The following QSOX2 variants were observed in gnomAD, a reference collection of about 807,000 sequenced individuals.
The protein encoded by QSOX2 is quiescin sulfhydryl oxidase 2, also known as sulfhydryl oxidase 2.
QSOX2 carries 46 observed loss-of-function variants against 61.7 expected under a neutral mutation model. The ratio of observed to expected loss-of-function variants is 0.75; its 90% CI spans 0.59 to 0.95. QSOX2 has a LOEUF of 0.95. Among genes scored for constraint, QSOX2 ranks in the 40% least tolerant of loss-of-function variants. QSOX2 has a pLI of 0.00. For missense variants in QSOX2, 879 were observed against 918.9 expected (o/e 0.96, Z 0.56); for synonymous variants, 383 against 388.4 (o/e 0.99, Z 0.16).
chr9:136,216,576 G>A, intron 9 of QSOX2, 24 bp downstream of exon 9: 3 of 1,611,924 alleles, frequency 1.9e-6, no homozygotes, highest in Non-Finnish European at 2.5e-6. Flanking sequence ...GTGCAGCGTG[G>A]CTGGCGAGGG....
intron 1 of QSOX2, among the ~76,000 whole-genome samples, chr9:136,230,749 C>T (rs959563105): frequency 6.6e-5 from 10 of 152,172 alleles, no homozygotes; most frequent in African/African-American, 2.2e-4. Flanking sequence ...CATTCTGAAC[C>T]GAGCTGGAAG....
chr9:136,210,069 A>T, intron 11 of QSOX2: 1 of 985,398 alleles, frequency 1.0e-6, no homozygotes, highest in Non-Finnish European at 1.2e-6. Context: ...GAGATGCCCT[A>T]CTCGGGCCAG....
intron 6 of QSOX2, among the ~76,000 whole-genome samples, chr9:136,219,897 T>A (rs1831960755): frequency 6.6e-6 from 1 of 152,250 alleles, no homozygotes; most frequent in Non-Finnish European, 1.5e-5. Flanking sequence ...CTCTGCCAAG[T>A]GCAGTGCTGT....
chr9:136,215,793 G>A lies in QSOX2; in HGVS notation c.1210-489C>T, dbSNP rs140572418. ...GGGCTGAGAGCCCCAGGCAGATTCCGCTGGGTTTGGTTTCGTGTCTCATCA... is the reference window on the plus strand; with the variant it reads ...GGGCTGAGAGCCCCAGGCAGATTCCACTGGGTTTGGTTTCGTGTCTCATCA... On this transcript the variant is annotated intron_variant, in intron 9 of 11. Coordinates refer to ENST00000358701, the MANE Select transcript of QSOX2 (RefSeq NM_181701.4). Among the ~76,000 whole-genome samples, 1,154 of 152,316 alleles carry A rather than the reference G, an allele frequency of 7.6e-3. 20 individuals carry two copies. The highest frequency in any genetic ancestry group is 0.034 in the Middle Eastern group (10 of 294).
Position 136,219,021 on chromosome 9 carries a change from A to G in QSOX2, c.956+9T>C. Reference sequence around the variant, plus strand: ...TCTCCGGGGGCTTCAGTTCAAGAGGAACACTTGCTTGTCAAATTCTCTCCA... The same window carrying G: ...TCTCCGGGGGCTTCAGTTCAAGAGGGACACTTGCTTGTCAAATTCTCTCCA... On this transcript the variant is annotated intron_variant, in intron 7 of 11. Coordinates refer to ENST00000358701, the MANE Select transcript of QSOX2 (RefSeq NM_181701.4). 6.2e-7 allele frequency: 1 copy of G among 1,613,938 alleles called. No homozygotes were observed. Among genetic ancestry groups the G allele is most frequent in the Non-Finnish European group, 8.5e-7 (1 of 1,179,922 alleles).
chr9:136,220,936 A>G (rs985459787), intron 6 of QSOX2, among the ~76,000 whole-genome samples: 1 of 152,132 alleles, frequency 6.6e-6, no homozygotes, highest in Admixed American at 6.5e-5. Flanking sequence ...TGGAACTCCT[A>G]GACTCAAATG....
intron 1 of QSOX2, among the ~76,000 whole-genome samples, chr9:136,239,853 G>A (rs535987426): frequency 6.6e-6 from 1 of 152,372 alleles, no homozygotes; most frequent in South Asian, 2.1e-4. Context: ...CAGGCGCCAG[G>A]AGTACCGGCA....
At position 136,222,629 on chromosome 9, in the gene QSOX2, T is replaced by C. The variant is rs539247391; in HGVS notation, c.676-688A>G. 2.0e-4 allele frequency among the ~76,000 whole-genome samples: 30 copies of C among 152,294 alleles called. No individual in the cohort carries two copies. The highest frequency in any genetic ancestry group is 7.2e-4 in the African/African-American group (30 of 41,568). On this transcript the variant is annotated intron_variant, in intron 5 of 11. Transcript: ENST00000358701. This position sits in a 1 kb window ranked among gnomAD's most constrained non-coding sequence, Gnocchi z 6.9. ...GTCTGCGAAGAGCTGATCGCTACTC[T>C]GGGGCCACACTGGTCTCTGCTCTGG...
At position 136,209,177 on chromosome 9, in the gene QSOX2, C is replaced by T; in HGVS notation, c.1648G>A (p.Asp550Asn). 1 of 1,614,196 alleles carries T rather than the reference C, an allele frequency of 6.2e-7. No individual in the cohort carries two copies. The highest frequency in any genetic ancestry group is 8.5e-7 in the Non-Finnish European group (1 of 1,180,038). ...AAGAATGTGAGCACGTGGCCTTCATCCCAGCTGGCCAGGCCCTTAATTTCC... is the reference window on the plus strand; with the variant it reads ...AAGAATGTGAGCACGTGGCCTTCATTCCAGCTGGCCAGGCCCTTAATTTCC... Reference protein sequence around the residue: ...HEEIKGLASWDEGHVLTFLKQ... With the variant: ...HEEIKGLASWNEGHVLTFLKQ... The change falls in exon 12 of 12, where the codon GAT (aspartate) becomes AAT (asparagine). Residue 550 changes from aspartate to asparagine, a missense_variant. Coordinates refer to ENST00000358701, the MANE Select transcript of QSOX2 (RefSeq NM_181701.4). The surrounding 1 kb of genome is among the most constrained non-coding windows in gnomAD (Gnocchi z 5.6).
rs540318611 is a variant in QSOX2, at chr9:136,218,577, C to T, written c.1086+102G>A. The T allele has an allele frequency of 7.6e-4, 1,049 of 1,384,200 alleles. 1 individual carries two copies. The highest frequency in any genetic ancestry group is 9.5e-4 in the Non-Finnish European group (974 of 1,027,758). 85.7% of individuals were successfully genotyped at this position (1,384,200 alleles called of 1,614,324 possible). A position where few individuals can be genotyped will look rare whatever the true frequency, so the allele number is the denominator to read the frequency against. On this transcript the variant is annotated intron_variant, in intron 8 of 11. Transcript: ENST00000358701. ...CGACAAAGCAAGGTGGAGAGCACCT[C>T]AGCGGAGCTGGCGGAGCCCCCGCAG...
intron 11 of QSOX2, chr9:136,210,057 A>C: frequency 1.0e-6 from 1 of 985,440 alleles, no homozygotes; most frequent in Non-Finnish European, 1.2e-6. Flanking sequence ...GCCTGAAATC[A>C]AGAGATGCCC....
In QSOX2 at chr9:136,208,886, C is replaced by T. The variant is rs754218036; in HGVS notation, c.1939G>A (p.Gly647Arg). The change falls in exon 12 of 12, where the codon GGG becomes AGG. Residue 647 changes from glycine to arginine, a missense_variant. Gly to Arg is a moderately radical substitution (Grantham distance 125). Coordinates refer to ENST00000358701, the MANE Select transcript of QSOX2 (RefSeq NM_181701.4). ...TCAACCCCGAGGAAGGGTGCGGCCC[C>T]GCCCACCTCCTTGTGGGCCCCGGGC... ...DGPGAHKEVG[G>R]AAPFLGVDFS... 1.2e-5 allele frequency: 19 copies of T among 1,613,870 alleles called. No individual in the cohort carries two copies. Among genetic ancestry groups the T allele is most frequent in the African/African-American group, 6.7e-5 (5 of 74,908 alleles).
chr9:136,218,327 A>C (rs1336183631), intron 8 of QSOX2, among the ~76,000 whole-genome samples: 3 of 151,794 alleles, frequency 2.0e-5, no homozygotes, highest in Non-Finnish European at 4.4e-5. Flanking sequence ...CTCTCCCCCC[A>C]GCCCCCGTGC....
At chr9:136,235,831 CG>C (rs1303755708) in intron 1 of QSOX2, among the ~76,000 whole-genome samples, 3 of 152,182 alleles carry the variant, frequency 2.0e-5, no homozygotes, top group African/African-American at 7.2e-5. Flanking sequence ...CCACGGACTC[CG>C]GGCACACAGA....
In QSOX2 at chr9:136,223,622, CT is replaced by C. The variant is rs1286181389; in HGVS notation, c.675+140del. The C allele has an allele frequency of 3.2e-6, 2 of 632,382 alleles. No homozygotes were observed. Among genetic ancestry groups the C allele is most frequent in the Non-Finnish European group, 5.5e-6 (2 of 364,218 alleles). The allele number at this position is 632,382 out of a possible 1,614,324, so 39.2% of individuals were successfully genotyped here. A position where few individuals can be genotyped will look rare whatever the true frequency, so the allele number is the denominator to read the frequency against. ...TTGCTGAGTAACATTAACTAAGCTTCTGATAATGAACAAGACCTAAAGCCAC... is the reference window on the plus strand; with the variant it reads ...TTGCTGAGTAACATTAACTAAGCTTCGATAATGAACAAGACCTAAAGCCAC... On this transcript the variant is annotated intron_variant, in intron 5 of 11. Coordinates refer to ENST00000358701, the MANE Select transcript of QSOX2 (RefSeq NM_181701.4). The surrounding 1 kb of genome is among the most constrained non-coding windows in gnomAD (Gnocchi z 4.4).
At chr9:136,227,600 C>T (rs1830293759) in intron 1 of QSOX2, among the ~76,000 whole-genome samples, 1 of 152,196 alleles carries the variant, frequency 6.6e-6, no homozygotes, top group Non-Finnish European at 1.5e-5. Context: ...GCCAAAGTCT[C>T]CACCCACTTT....
chr9:136,226,708 T>C (rs1436088918), intron 2 of QSOX2, 66 bp downstream of exon 2: 5 of 1,313,914 alleles, frequency 3.8e-6, no homozygotes, highest in Non-Finnish European at 5.5e-6. Flanking sequence ...AGCAGCCGCG[T>C]GATGCTCACC....
At position 136,223,674 on chromosome 9, in the gene QSOX2, G is replaced by A. The variant is rs1830249010; in HGVS notation, c.675+89C>T. On this transcript the variant is annotated intron_variant, in intron 5 of 11. Coordinates refer to ENST00000358701, the MANE Select transcript of QSOX2 (RefSeq NM_181701.4). This position sits in a 1 kb window ranked among gnomAD's most constrained non-coding sequence, Gnocchi z 4.4. ...AGACAGGACACGAGATGCCGACACA[G>A]TGACCGGCACCTGCAAATCTCATCA... 1.0e-6 allele frequency: 1 copy of A among 974,810 alleles called. No individual in the cohort carries two copies. The highest frequency in any genetic ancestry group is 1.4e-5 in the South Asian group (1 of 69,182). The allele number at this position is 974,810 out of a possible 1,614,324, so 60.4% of individuals were successfully genotyped here. A position where few individuals can be genotyped will look rare whatever the true frequency, so the allele number is the denominator to read the frequency against.
intron 1 of QSOX2, among the ~76,000 whole-genome samples, chr9:136,239,903 G>T (rs962202555): frequency 6.6e-6 from 1 of 152,272 alleles, no homozygotes; most frequent in South Asian, 2.1e-4. Context: ...CAACACAAAA[G>T]ATATGGTAGT....
Sources: allele counts gnomAD v4.1 joint callset (sites outside exome capture counted in the v4.1 genomes callset), GRCh38; gene constraint gnomAD v4.1.1; non-coding constraint Gnocchi (gnomAD v3.1); transcripts MANE v1.5; gene names NCBI Gene and HGNC (gene_info 2026-07-23, HGNC 2026-07-21).